EPN1: variants seen among roughly 807,000 people sequenced by gnomAD.
The protein encoded by EPN1 is epsin-1.
In EPN1, 25 loss-of-function variants were observed where a neutral mutation model predicts 56.9. The ratio of observed to expected loss-of-function variants is 0.44; its 90% CI spans 0.32 to 0.61. EPN1 has a LOEUF of 0.61. EPN1 is among the 20% of genes least tolerant of loss of function. The pLI, the probability that EPN1 is intolerant of heterozygous loss-of-function variation, is 0.05. For missense variants in EPN1, 785 were observed against 823.7 expected (o/e 0.95, Z 0.58); for synonymous variants, 411 against 361.8 (o/e 1.14, Z -1.54).
At chr19:55,685,283 G>A (rs952475023) in intron 2 of EPN1, 113 bp from the exon 3 acceptor site, 2 of 1,340,492 alleles carry the variant, frequency 1.5e-6, no homozygotes, top group Non-Finnish European at 1.0e-6. Context: ...ACTGGCGACA[G>A]GTGGGTTGTG....
rs1986833104 is a variant in EPN1, at chr19:55,695,092, A to G, written c.1523-56A>G. On this transcript the variant is annotated intron_variant, in intron 10 of 10. Transcript: ENST00000270460. This position sits in a 1 kb window ranked among gnomAD's most constrained non-coding sequence, Gnocchi z 4.4. Reference sequence around the variant, plus strand: ...CTTTGCCTGCACATGCTGGATGGACACAGGTGGGCTGCGCCACTGACTCCA... The same window carrying G: ...CTTTGCCTGCACATGCTGGATGGACGCAGGTGGGCTGCGCCACTGACTCCA... The G allele has an allele frequency of 1.2e-6, 2 of 1,610,676 alleles. No individual in the cohort carries two copies. The highest frequency in any genetic ancestry group is 1.3e-5 in the African/African-American group (1 of 74,886).
chr19:55,691,471 C>T lies in EPN1; in HGVS notation c.763-283C>T, dbSNP rs1243283118. On this transcript the variant is annotated intron_variant, in intron 6 of 10. Transcript: ENST00000270460. This position sits in a 1 kb window ranked among gnomAD's most constrained non-coding sequence, Gnocchi z 5.6. ...CAGGTGGAGTTAAGGGGCTGCCCTG[C>T]TGCAGTGTGGAGAATGGATGTGGGG... Among the ~76,000 whole-genome samples the T allele has an allele frequency of 1.3e-5, 2 of 151,248 alleles. No individual in the cohort carries two copies. The highest frequency in any genetic ancestry group is 2.4e-5 in the African/African-American group (1 of 41,068).
At position 55,708,642 on chromosome 19, in the gene EPN1, G is replaced by A. The variant is rs1050996308; in HGVS notation, c.*13286G>A. On this transcript the variant is annotated 3_prime_UTR_variant, in exon 11 of 11. Coordinates refer to ENST00000270460, the MANE Select transcript of EPN1 (RefSeq NM_001130072.2). Reference sequence around the variant, plus strand: ...AAAATAAAGCCATGCTTTCCAGAGCGTTTAGCACTTGTTTAACGTACTTGT... The same window carrying A: ...AAAATAAAGCCATGCTTTCCAGAGCATTTAGCACTTGTTTAACGTACTTGT... 2.5e-5 allele frequency: 7 copies of A among 285,222 alleles called. No individual in the cohort carries two copies. The highest frequency in any genetic ancestry group is 2.4e-4 in the East Asian group (4 of 16,418). 17.7% of individuals were successfully genotyped at this position (285,222 alleles called of 1,614,324 possible). A position where few individuals can be genotyped will look rare whatever the true frequency, so the allele number is the denominator to read the frequency against.
chr19:55,707,427 C>CA lies in EPN1; in HGVS notation c.*12072dup, dbSNP rs781589708. 5 of 152,528 alleles carry CA rather than the reference C, an allele frequency of 3.3e-5. No individual in the cohort carries two copies. Among genetic ancestry groups the CA allele is most frequent in the Non-Finnish European group, 7.3e-5 (5 of 68,200 alleles). 9.4% of individuals were successfully genotyped at this position (152,528 alleles called of 1,614,324 possible). On this transcript the variant is annotated 3_prime_UTR_variant, in exon 11 of 11. Coordinates refer to ENST00000270460, the MANE Select transcript of EPN1 (RefSeq NM_001130072.2). ...AAACTGGTGTCAGGGGTATGTTCTC[C>CA]ATGTTGAGCCCCTTCTGTGGAATAT...
rs906179485 is a variant in EPN1, at chr19:55,696,398, G to C, written c.*1042G>C. ...GCTTGTTGCAGGCCCCACAGCCAGG[G>C]CCTCAGGGATGGGGATCTGGCCATG... is the stretch of plus-strand genomic sequence containing the variant. On this transcript the variant is annotated 3_prime_UTR_variant, in exon 11 of 11. Transcript: ENST00000270460. 6.6e-6 allele frequency: 1 copy of C among 152,280 alleles called. No individual in the cohort carries two copies. The highest frequency in any genetic ancestry group is 1.5e-5 in the Non-Finnish European group (1 of 68,102). The allele number at this position is 152,280 out of a possible 1,614,324, so 9.4% of individuals were successfully genotyped here. A position where few individuals can be genotyped will look rare whatever the true frequency, so the allele number is the denominator to read the frequency against.
chr19:55,686,384 T>C (rs1986169078), intron 3 of EPN1, among the ~76,000 whole-genome samples: 1 of 151,814 alleles, frequency 6.6e-6, no homozygotes, highest in African/African-American at 2.4e-5. Context: ...GCTCTTCTGC[T>C]CTCCAGGAAG....
At position 55,693,005 on chromosome 19, in the gene EPN1, G is replaced by A. The variant is rs759563920; in HGVS notation, c.1232G>A (p.Arg411His). ...GAGTTCTCTGACTTTGACCGACTCC[G>A]CACGGCACTGCCGACCTCCGGGAGC... ...PDEFSDFDRL[R>H]TALPTSGSSA... Residue 411 changes from arginine to histidine, a missense_variant, in exon 9 of 11, where the codon CGC becomes CAC. Arg to His is a conservative substitution (Grantham distance 29, BLOSUM62 0). This residue lies in a region of EPN1 where 650 missense variants were observed against 605.0 expected (regional missense o/e 1.07). Transcript: ENST00000270460. 33 of 1,613,226 alleles carry A rather than the reference G, an allele frequency of 2.0e-5. No individual in the cohort carries two copies. Among genetic ancestry groups the A allele is most frequent in the African/African-American group, 5.3e-5 (4 of 74,934 alleles).
At chr19:55,677,514 TG>T in intron 1 of EPN1, 1 of 1,264,074 alleles carries the variant, frequency 7.9e-7, no homozygotes, top group Non-Finnish European at 1.1e-6. Context: ...CTGCCATTCC[TG>T]GTGTGTGACC....
At chr19:55,677,352 G>A (rs1985505925) in intron 1 of EPN1, 1 of 714,110 alleles carries the variant, frequency 1.4e-6, no homozygotes, top group African/African-American at 1.7e-5. Context: ...TGCCTGGCAT[G>A]GGATAAGAGC....
chr19:55,676,314 A>G (rs1362269575), intron 1 of EPN1, among the ~76,000 whole-genome samples: 1 of 152,208 alleles, frequency 6.6e-6, no homozygotes, highest in East Asian at 1.9e-4. Context: ...GAACTTTGCC[A>G]TATCCTTTGT....
In EPN1 at chr19:55,692,690, G is replaced by A. The variant is rs549777387; in HGVS notation, c.1071G>A (p.Gly357=). 2.0e-6 allele frequency: 3 copies of A among 1,537,838 alleles called. No homozygotes were observed. The highest frequency in any genetic ancestry group is 1.8e-6 in the Non-Finnish European group (2 of 1,140,158). The change falls in exon 8 of 11, where the codon GGG becomes GGA. Residue 357 remains glycine, a synonymous_variant. Transcript: ENST00000270460. ...TGCTCTTCTGTCCTCACCCAGGTGG[G>A]GTCCCGGTCAGTGGGCCCTCAGCCT... ...TPDPWGSSDG[G]VPVSGPSASD...
rs1052097893 is a variant in EPN1, at chr19:55,691,385, G to A, written c.763-369G>A. Among the ~76,000 whole-genome samples the A allele has an allele frequency of 1.1e-4, 16 of 151,984 alleles. No homozygotes were observed. The highest frequency in any genetic ancestry group is 2.1e-4 in the Non-Finnish European group (14 of 67,974). On this transcript the variant is annotated intron_variant, in intron 6 of 10. Coordinates refer to ENST00000270460, the MANE Select transcript of EPN1 (RefSeq NM_001130072.2). The surrounding 1 kb of genome is among the most constrained non-coding windows in gnomAD (Gnocchi z 5.6). ...GCAGAGGGAGGATCGAGCTGCTTCG[G>A]GTCGAGCGAGGGGAGGGCTTGGCCT...
rs1276981021 is a variant in EPN1 at position 55,705,147 on chromosome 19, A to ATCAT, written c.*9793_*9796dup. On this transcript the variant is annotated 3_prime_UTR_variant, in exon 11 of 11. Transcript: ENST00000270460. ...AGGTTTCTGAGTAAGCTCTGACCCAATCATTGACTATTAAACTTCAGAGGT... is the reference window on the plus strand; with the variant it reads ...AGGTTTCTGAGTAAGCTCTGACCCAATCATTCATTGACTATTAAACTTCAGAGGT... 2 of 152,240 alleles carry ATCAT rather than the reference A, an allele frequency of 1.3e-5. No individual in the cohort carries two copies. The highest frequency in any genetic ancestry group is 4.8e-5 in the African/African-American group (2 of 41,456). The allele number at this position is 152,240 out of a possible 1,614,324, so 9.4% of individuals were successfully genotyped here. A position where few individuals can be genotyped will look rare whatever the true frequency, so the allele number is the denominator to read the frequency against.
Position 55,689,217 on chromosome 19 carries a change from G to A in EPN1, c.604-80G>A, listed in dbSNP as rs1222974743. 4.1e-6 allele frequency: 5 copies of A among 1,216,222 alleles called. No homozygotes were observed. The highest frequency in any genetic ancestry group is 5.9e-6 in the Non-Finnish European group (5 of 849,858). 75.3% of individuals were successfully genotyped at this position (1,216,222 alleles called of 1,614,324 possible). A position where few individuals can be genotyped will look rare whatever the true frequency, so the allele number is the denominator to read the frequency against. ...GGGACCCCCAGCCCTCTCTTTCTTC[G>A]GCTCTATCTGACCCTGGCTCTGCCT... is the stretch of plus-strand genomic sequence containing the variant. On this transcript the variant is annotated intron_variant, in intron 4 of 10. Coordinates refer to ENST00000270460, the MANE Select transcript of EPN1 (RefSeq NM_001130072.2). The surrounding 1 kb of genome is among the most constrained non-coding windows in gnomAD (Gnocchi z 5.7).
chr19:55,693,346 C>T (rs1394324403), intron 9 of EPN1: 2 of 354,014 alleles, frequency 5.6e-6, no homozygotes, highest in Admixed American at 4.2e-5. Flanking sequence ...CTCCAGGTGT[C>T]TCAAAGAACA....
In EPN1 at chr19:55,695,059, A is replaced by G. The variant is rs369937159; in HGVS notation, c.1522+76A>G. The G allele has an allele frequency of 1.5e-3, 2,339 of 1,595,704 alleles. 10 individuals carry two copies. Among genetic ancestry groups the G allele is most frequent in the Middle Eastern group, 8.7e-3 (52 of 6,010 alleles). The stretch of plus-strand genomic sequence containing the variant: ...AGGAGGTGCCTCACGGGGCAGGGAC[A>G]CTTCGCCCTTTGCCTGCACATGCTG... On this transcript the variant is annotated intron_variant, in intron 10 of 10. Transcript: ENST00000270460. The surrounding 1 kb of genome is among the most constrained non-coding windows in gnomAD (Gnocchi z 4.4).
chr19:55,680,304 C>T (rs1985725318), intron 2 of EPN1, among the ~76,000 whole-genome samples: 1 of 152,198 alleles, frequency 6.6e-6, no homozygotes, highest in Admixed American at 6.5e-5. Flanking sequence ...ACCCCCAAGA[C>T]CTCCCCTATG....
chr19:55,689,999 G>C lies in EPN1; in HGVS notation c.762+49G>C. ...CCCTGGCCCCTGCAGGTGTCCGTCC[G>C]TCCCATCGCTCATTCCTGCGTGGCC... On this transcript the variant is annotated intron_variant, in intron 6 of 10. Coordinates refer to ENST00000270460, the MANE Select transcript of EPN1 (RefSeq NM_001130072.2). The surrounding 1 kb of genome is among the most constrained non-coding windows in gnomAD (Gnocchi z 5.7). 2.7e-6 allele frequency: 4 copies of C among 1,504,894 alleles called. No homozygotes were observed. The highest frequency in any genetic ancestry group is 3.6e-6 in the Non-Finnish European group (4 of 1,109,110). The allele number at this position is 1,504,894 out of a possible 1,614,324, so 93.2% of individuals were successfully genotyped here. A position where few individuals can be genotyped will look rare whatever the true frequency, so the allele number is the denominator to read the frequency against.
rs538270862 is a variant in EPN1, at chr19:55,691,432, C to G, written c.763-322C>G. Reference sequence around the variant, plus strand: ...GCCTCCATCCTCAGTCAGGGCCGGGCAAGGACCTGGGAGCAGGTGGAGTTA... The same window carrying G: ...GCCTCCATCCTCAGTCAGGGCCGGGGAAGGACCTGGGAGCAGGTGGAGTTA... On this transcript the variant is annotated intron_variant, in intron 6 of 10. Transcript: ENST00000270460. This position sits in a 1 kb window ranked among gnomAD's most constrained non-coding sequence, Gnocchi z 5.6. Among the ~76,000 whole-genome samples the G allele has an allele frequency of 1.3e-5, 2 of 151,604 alleles. No homozygotes were observed. The highest frequency in any genetic ancestry group is 4.8e-5 in the African/African-American group (2 of 41,310).
Sources: gnomAD v4.1 joint callset for allele counts (sites outside exome capture counted in the v4.1 genomes callset) on GRCh38, gnomAD v4.1.1 for gene constraint, gnomAD v4.1.1 regional missense constraint, Gnocchi (gnomAD v3.1) non-coding constraint, MANE v1.5 for transcripts, NCBI Gene and HGNC (gene_info 2026-07-23, HGNC 2026-07-21) for gene names.